NTM: variants seen among roughly 807,000 people sequenced by gnomAD.
NTM encodes the protein neurotrimin, also known as IgLON family member 2.
NTM carries 13 observed loss-of-function variants against 42.1 expected under a neutral mutation model. The observed-to-expected ratio is 0.31, with a 90% CI of 0.20 to 0.49. The LOEUF is 0.49. NTM is among the 20% of genes least tolerant of loss of function. NTM has a pLI of 0.99. For synonymous variants in NTM, 187 were observed against 179.2 expected (o/e 1.04, Z -0.35); for missense variants, 373 against 452.8 (o/e 0.82, Z 1.60).
chr11:131,881,290 C>T (rs555452530), intron 1 of NTM, among the ~76,000 whole-genome samples: 30 of 152,206 alleles, frequency 2.0e-4, no homozygotes, highest in African/African-American at 6.0e-4. Flanking sequence ...CTTTTCCTTA[C>T]CACCCTCCTC....
At chr11:131,812,582 ATGCCGAGAAGGAAAGAGCC>A (rs2092783390) in intron 1 of NTM, among the ~76,000 whole-genome samples, 1 of 152,104 alleles carries the variant, frequency 6.6e-6, no homozygotes, top group Non-Finnish European at 1.5e-5. Flanking sequence ...GCTACTAGGG[ATGCCGAGAAGGAAAGAGCC>A]TCCCACCGGA....
intron 1 of NTM, among the ~76,000 whole-genome samples, chr11:131,617,523 G>A (rs1384012520): frequency 1.3e-5 from 2 of 152,108 alleles, no homozygotes; most frequent in Admixed American, 6.5e-5. Flanking sequence ...GAGTCCCCTC[G>A]TGACTGCCTG....
At chr11:131,931,803 AGTG>A (rs1197633979) in intron 2 of NTM, among the ~76,000 whole-genome samples, 2 of 152,082 alleles carry the variant, frequency 1.3e-5, no homozygotes, top group East Asian at 1.9e-4. Context: ...TTTGGGGAGA[AGTG>A]GTGGCGGGAA....
intron 4 of NTM, among the ~76,000 whole-genome samples, chr11:132,258,787 T>C (rs940758559): frequency 1.3e-5 from 2 of 152,270 alleles, no homozygotes; most frequent in Non-Finnish European, 2.9e-5. Context: ...ATGATGCTTA[T>C]GACTTTGTCA....
At chr11:131,502,857 A>T (rs2047009957) in intron 1 of NTM, 1 of 152,298 alleles carries the variant, frequency 6.6e-6, no homozygotes, top group Non-Finnish European at 1.5e-5. Flanking sequence ...TGCAGGGTGG[A>T]GGACGAGAGA....
intron 2 of NTM, among the ~76,000 whole-genome samples, chr11:131,974,728 T>G (rs2064059825): frequency 6.6e-6 from 1 of 152,192 alleles, no homozygotes. Context: ...AAAAATATTT[T>G]TTTTTCTCAT....
At chr11:131,587,490 C>G (rs2058979075) in intron 1 of NTM, among the ~76,000 whole-genome samples, 1 of 151,888 alleles carries the variant, frequency 6.6e-6, no homozygotes, top group Non-Finnish European at 1.5e-5. Flanking sequence ...ATACTCTTGA[C>G]CACAAATTAT....
At chr11:132,243,522 C>T (rs1041357848) in intron 4 of NTM, among the ~76,000 whole-genome samples, 1 of 152,244 alleles carries the variant, frequency 6.6e-6, no homozygotes, top group Middle Eastern at 3.4e-3. Flanking sequence ...CTTCTGCACG[C>T]TCAGAGCCCC....
intron 3 of NTM, among the ~76,000 whole-genome samples, chr11:132,154,446 G>T (rs778817377): frequency 6.6e-6 from 1 of 152,150 alleles, no homozygotes; most frequent in Non-Finnish European, 1.5e-5. Context: ...CTACCAATAC[G>T]TCAATTTTCA....
intron 1 of NTM, among the ~76,000 whole-genome samples, chr11:131,844,632 AC>A (rs59066596): frequency 0.77 from 117,453 of 151,914 alleles, 45,903 homozygotes; most frequent in African/African-American, 0.87. Flanking sequence ...TCTAGGTTTC[AC>A]TTTTTTTGGT....
chr11:131,811,082 G>A (rs528148970), intron 1 of NTM, among the ~76,000 whole-genome samples: 3 of 152,296 alleles, frequency 2.0e-5, no homozygotes, highest in African/African-American at 7.2e-5. Context: ...GAATTCCAAT[G>A]TGCTTTCCTG....
At chr11:131,613,999 C>G (rs556044855) in intron 1 of NTM, among the ~76,000 whole-genome samples, 4 of 152,326 alleles carry the variant, frequency 2.6e-5, no homozygotes, top group African/African-American at 7.2e-5. Flanking sequence ...CCTCCCTGCT[C>G]TGCAGAAAAC....
intron 2 of NTM, among the ~76,000 whole-genome samples, chr11:131,972,042 C>CAAAAAAAAAAAA (rs61627120): frequency 0.026 from 1,522 of 57,562 alleles, 128 homozygotes; most frequent in Non-Finnish European, 0.032. Context: ...GACTCCGTCT[C>CAAAAAAAAAAAA]AAAAAAAAAA....
At chr11:132,183,063 T>C (rs1332439096) in intron 3 of NTM, among the ~76,000 whole-genome samples, 1 of 152,184 alleles carries the variant, frequency 6.6e-6, no homozygotes, top group African/African-American at 2.4e-5. Context: ...CACGGTGCTG[T>C]ACAGTCCTCA....
chr11:131,896,815 A>G (rs2052356704), intron 1 of NTM, among the ~76,000 whole-genome samples: 2 of 150,842 alleles, frequency 1.3e-5, no homozygotes, highest in South Asian at 4.2e-4. Flanking sequence ...CAGCCTCCGG[A>G]GTAGCTGGGA....
intron 3 of NTM, among the ~76,000 whole-genome samples, chr11:132,173,686 T>C (rs1255813992): frequency 2.0e-5 from 3 of 152,174 alleles, no homozygotes; most frequent in Non-Finnish European, 4.4e-5. Context: ...AGGGCAAGTA[T>C]CATTCATTCC....
At chr11:132,094,298 G>A (rs1290151773) in intron 2 of NTM, among the ~76,000 whole-genome samples, 2 of 152,186 alleles carry the variant, frequency 1.3e-5, no homozygotes, top group Non-Finnish European at 2.9e-5. Flanking sequence ...GGAAAGATAA[G>A]TTGGCAAGCT....
chr11:131,380,044 C>T (rs923520082), intron 1 of NTM, among the ~76,000 whole-genome samples: 1 of 152,182 alleles, frequency 6.6e-6, no homozygotes, highest in African/African-American at 2.4e-5. Flanking sequence ...AACTGAGGCA[C>T]TCCCTGCTCC....
chr11:132,317,539 C>T (rs1318775628), intron 7 of NTM: 8 of 452,542 alleles, frequency 1.8e-5, no homozygotes, highest in Admixed American at 6.2e-5. Flanking sequence ...ATATAATCCC[C>T]CAGAAATGTC....
Sources: gnomAD v4.1 joint callset for allele counts (sites outside exome capture counted in the v4.1 genomes callset) on GRCh38, gnomAD v4.1.1 for gene constraint, MANE v1.5 for transcripts, NCBI Gene and HGNC (gene_info 2026-07-23, HGNC 2026-07-21) for gene names.